Variants in FAM171A1 observed in about 807,000 individuals in gnomAD.
FAM171A1 encodes protein FAM171A1.
In FAM171A1, 23 loss-of-function variants were observed where a neutral mutation model predicts 74.9. The ratio of observed to expected loss-of-function variants is 0.31; its 90% confidence interval spans 0.22 to 0.44. The LOEUF (loss-of-function observed/expected upper bound fraction) is 0.44, where lower values mean the gene tolerates loss of function less well. Ranked by LOEUF, FAM171A1 falls within the 20% of genes least tolerant of loss-of-function variation. FAM171A1 has a pLI of 1.00. For missense variants in FAM171A1, 1,162 were observed against 1,159.2 expected (o/e 1.00, Z -0.03); for synonymous variants, 527 against 505.7 (o/e 1.04, Z -0.57).
intron 1 of FAM171A1, among the ~76,000 whole-genome samples, chr10:15,348,780 GA>G (rs1835845966): frequency 6.6e-6 from 1 of 152,218 alleles, no homozygotes; most frequent in Non-Finnish European, 1.5e-5. Flanking sequence ...TGAGCAGTGA[GA>G]AAAGCTGGCT....
intron 1 of FAM171A1, among the ~76,000 whole-genome samples, chr10:15,358,739 G>A (rs933191994): frequency 3.3e-5 from 5 of 152,190 alleles, no homozygotes; most frequent in Admixed American, 6.5e-5. Flanking sequence ...GCTTTTCATG[G>A]TTCAAGGGCA....
chr10:15,309,854 C>A (rs1052198565), intron 1 of FAM171A1, among the ~76,000 whole-genome samples: 2 of 152,162 alleles, frequency 1.3e-5, no homozygotes, highest in African/African-American at 4.8e-5. Flanking sequence ...TTAAACACAG[C>A]AAACTTTCAG....
At chr10:15,264,295 T>C (rs1218781787) in intron 3 of FAM171A1, among the ~76,000 whole-genome samples, 1 of 152,184 alleles carries the variant, frequency 6.6e-6, no homozygotes, top group African/African-American at 2.4e-5. Flanking sequence ...GCTTTCTTTA[T>C]AAAACAGTGT....
intron 3 of FAM171A1, among the ~76,000 whole-genome samples, chr10:15,264,408 T>C (rs1349446637): frequency 2.6e-5 from 4 of 152,214 alleles, no homozygotes; most frequent in Non-Finnish European, 5.9e-5. Flanking sequence ...ATTTATTTTT[T>C]TCTCCTGAAT....
intron 1 of FAM171A1, among the ~76,000 whole-genome samples, chr10:15,336,730 T>G (rs1163558689): frequency 1.3e-5 from 2 of 152,158 alleles, no homozygotes; most frequent in African/African-American, 4.8e-5. Context: ...AAAGTATTAG[T>G]ACACTGACAG....
intron 1 of FAM171A1, among the ~76,000 whole-genome samples, chr10:15,330,694 A>ATATT (rs1835617236): frequency 6.9e-6 from 1 of 145,536 alleles, no homozygotes. Context: ...CCTCTGAAGC[A>ATATT]TATTTTTTTC....
intron 1 of FAM171A1, among the ~76,000 whole-genome samples, chr10:15,284,580 A>G (rs1835013578): frequency 6.6e-6 from 1 of 152,084 alleles, no homozygotes; most frequent in Non-Finnish European, 1.5e-5. Flanking sequence ...GTGCCACCAC[A>G]CTGAGCTAAT....
At position 15,212,642 on chromosome 10, in the gene FAM171A1, T is replaced by C. The variant is rs1833904313; in HGVS notation, c.*273A>G. 2.0e-6 allele frequency: 1 copy of C among 497,268 alleles called. No homozygotes were observed. Among genetic ancestry groups the C allele is most frequent in the South Asian group, 2.4e-5 (1 of 41,936 alleles). The allele number at this position is 497,268 out of a possible 1,614,324, so 30.8% of individuals were successfully genotyped here. A position where few individuals can be genotyped will look rare whatever the true frequency, so the allele number is the denominator to read the frequency against. ...ATCACGTGCGGTTTCTTAATGTCCC[T>C]GGTGGCGGATACGCCGAGTCCTCGG... is the stretch of plus-strand genomic sequence containing the variant. On this transcript the variant is annotated 3_prime_UTR_variant, in exon 8 of 8. Coordinates refer to ENST00000378116, the MANE Select transcript of FAM171A1 (RefSeq NM_001010924.2).
chr10:15,314,835 T>C (rs10752366), intron 1 of FAM171A1, among the ~76,000 whole-genome samples: 102,385 of 151,976 alleles, frequency 0.67, 35,066 homozygotes, highest in East Asian at 0.86. Context: ...AGCCCAGGAA[T>C]GACTTCCAAG....
At chr10:15,324,258 T>A (rs1394845610) in intron 1 of FAM171A1, among the ~76,000 whole-genome samples, 1 of 152,104 alleles carries the variant, frequency 6.6e-6, no homozygotes, top group Non-Finnish European at 1.5e-5. Flanking sequence ...TCTCCGTCTT[T>A]TCCTAAAGGA....
At chr10:15,314,412 T>C (rs992821205) in intron 1 of FAM171A1, among the ~76,000 whole-genome samples, 24 of 152,214 alleles carry the variant, frequency 1.6e-4, no homozygotes, top group African/African-American at 5.5e-4. Context: ...CTATGTCTTT[T>C]TGAGGCTGGC....
chr10:15,310,958 G>C (rs903175142), intron 1 of FAM171A1, among the ~76,000 whole-genome samples: 1 of 152,122 alleles, frequency 6.6e-6, no homozygotes, highest in Non-Finnish European at 1.5e-5. Flanking sequence ...CTTGGAGCAG[G>C]GCTGGGAAGA....
intron 1 of FAM171A1, among the ~76,000 whole-genome samples, chr10:15,339,003 T>A (rs1298800267): frequency 6.6e-6 from 1 of 152,222 alleles, no homozygotes; most frequent in African/African-American, 2.4e-5. Flanking sequence ...CCTCCCGAAG[T>A]GTTGGGATTA....
chr10:15,261,081 C>A (rs1177410419), intron 3 of FAM171A1, among the ~76,000 whole-genome samples: 1 of 152,240 alleles, frequency 6.6e-6, no homozygotes, highest in Non-Finnish European at 1.5e-5. Context: ...CTTCCGCTGT[C>A]TCTCTATCTG....
At position 15,352,680 on chromosome 10, in the gene FAM171A1, A is replaced by G. The variant is rs115452753; in HGVS notation, c.97+18276T>C. On this transcript the variant is annotated intron_variant, in intron 1 of 7. Transcript: ENST00000378116. The stretch of plus-strand genomic sequence containing the variant: ...AAAGTTGTGGGGAAAGTACACAACG[A>G]AAGTCTTTTGTCTATTTCAAATCCA... Among the ~76,000 whole-genome samples the G allele has an allele frequency of 7.4e-3, 1,124 of 152,354 alleles. 13 individuals carry two copies. Among genetic ancestry groups the G allele is most frequent in the African/African-American group, 0.026 (1,068 of 41,578 alleles).
intron 1 of FAM171A1, among the ~76,000 whole-genome samples, chr10:15,370,418 T>G (rs1588576415): frequency 6.8e-6 from 1 of 147,154 alleles, no homozygotes; most frequent in African/African-American, 2.6e-5. Context: ...TAGTGGCTAG[T>G]GGCGGCAGCG....
intron 5 of FAM171A1, among the ~76,000 whole-genome samples, chr10:15,223,344 A>G (rs1834063745): frequency 6.6e-6 from 1 of 152,184 alleles, no homozygotes; most frequent in Non-Finnish European, 1.5e-5. Context: ...CACTACAGTG[A>G]TGCTCTCAGC....
At chr10:15,232,907 G>C (rs1366091195) in intron 5 of FAM171A1, among the ~76,000 whole-genome samples, 2 of 152,242 alleles carry the variant, frequency 1.3e-5, no homozygotes, top group Non-Finnish European at 2.9e-5. Flanking sequence ...CCCACCTCCA[G>C]GGTTGCTTTG....
chr10:15,345,680 C>G (rs1183947415), intron 1 of FAM171A1, among the ~76,000 whole-genome samples: 1 of 152,080 alleles, frequency 6.6e-6, no homozygotes, highest in African/African-American at 2.4e-5. Flanking sequence ...AGGAGATGCT[C>G]TAGAGAGGTC....
Sources: gnomAD v4.1 joint callset for allele counts (sites outside exome capture counted in the v4.1 genomes callset) on GRCh38, gnomAD v4.1.1 for gene constraint, MANE v1.5 for transcripts, NCBI Gene and HGNC (gene_info 2026-07-23, HGNC 2026-07-21) for gene names.